ZMYM6: variants seen among roughly 807,000 people sequenced by gnomAD.
The protein encoded by ZMYM6 is zinc finger MYM-type protein 6.
A neutral mutation model predicts 134.0 loss-of-function variants in ZMYM6; 90 were observed. That is an observed-to-expected ratio of 0.67 (90% confidence interval 0.57 to 0.80). The LOEUF (loss-of-function observed/expected upper bound fraction) is 0.80. Ranked by LOEUF, ZMYM6 falls within the 30% of genes least tolerant of loss-of-function variation. The probability of loss-of-function intolerance (pLI) is 0.00; values close to 1 mark genes in which losing one functional copy is unlikely to be tolerated. For missense variants in ZMYM6, 1,362 were observed against 1,533.9 expected, an observed-to-expected ratio of 0.89 and a Z score of 1.87; for synonymous variants, 481 against 524.1, an observed-to-expected ratio of 0.92 and a Z score of 1.12.
intron 11 of ZMYM6, among the ~76,000 whole-genome samples, chr1:35,007,877 A>T (rs981996292): frequency 6.6e-6 from 1 of 152,140 alleles, no homozygotes; most frequent in African/African-American, 2.4e-5. Flanking sequence ...TGAAAAAAGT[A>T]AGTAAAAAAA....
intron 14 of ZMYM6, among the ~76,000 whole-genome samples, chr1:34,993,301 T>C (rs1315422035): frequency 2.0e-5 from 3 of 151,800 alleles, no homozygotes; most frequent in African/African-American, 7.3e-5. Context: ...TTAGTAGAGA[T>C]GGTGTTTCAC....
intron 14 of ZMYM6, among the ~76,000 whole-genome samples, chr1:34,992,732 C>CTATAAATATAAAAATATAT (rs1557558404): frequency 4.0e-5 from 4 of 100,876 alleles, no homozygotes; most frequent in African/African-American, 3.4e-4. Context: ...TAAAAATATA[C>CTATAAATATAAAAATATAT]TTATAAACTA....
rs757391327 is a variant in ZMYM6 at position 34,987,871 on chromosome 1, G to A, written c.3211C>T (p.Arg1071Cys). The A allele has an allele frequency of 7.7e-6, 12 of 1,551,372 alleles. No homozygotes were observed. Among genetic ancestry groups the A allele is most frequent in the African/African-American group, 5.5e-5 (4 of 73,116 alleles). The part of the protein sequence containing the change: ...HVSLPLHAEV[R>C]WISRGRMLKR... ...AACATTCTCCCTCTTGATATCCAAC[G>A]TACTTCAGCATGAAGCGGTAAACTC... The change falls in exon 16 of 16, where the codon CGT becomes TGT. Residue 1071 changes from arginine to cysteine, a missense_variant. Arg to Cys is a radical substitution (Grantham distance 180). Around this residue, in one of 3 missense-constraint regions of ZMYM6, gnomAD observed 824 missense variants for 940.9 expected, o/e 0.88. Transcript: ENST00000357182.
intron 14 of ZMYM6, among the ~76,000 whole-genome samples, chr1:34,999,566 A>C (rs1640846127): frequency 2.0e-5 from 3 of 152,240 alleles, no homozygotes; most frequent in Non-Finnish European, 4.4e-5. Flanking sequence ...ACCACCTAAA[A>C]ATCATTAAGA....
chr1:34,992,243 A>G lies in ZMYM6; in HGVS notation c.2137T>C (p.Cys713Arg). ...SCKPHTQHKE[C>R]QTDLPMPNEK... ...GCACAAGGATACATACCTGTCTGAC[A>G]TTCTTTGTGCTGTGTATGTGGTTTG... The change falls in exon 15 of 16, where the codon TGT (cysteine) becomes CGT (arginine). Residue 713 changes from cysteine (C) to arginine (R), a missense_variant. This residue lies in a region of ZMYM6 where 824 missense variants were observed against 940.9 expected (regional missense o/e 0.88). Coordinates refer to ENST00000357182, the MANE Select transcript of ZMYM6 (RefSeq NM_007167.4). The G allele has an allele frequency of 6.2e-7, 1 of 1,613,994 alleles. No homozygotes were observed. Among genetic ancestry groups the G allele is most frequent in the Non-Finnish European group, 8.5e-7 (1 of 1,179,918 alleles).
In ZMYM6 at chr1:34,992,379, T is replaced by C; in HGVS notation, c.2001A>G (p.Thr667=). ...ATGGAAATTTCATAGCATCTTCCTG[T>C]GTACTTTCCTAGTTAAAAGCAAATT... ...EAAKIIQDES[T]QEDAMKFPSS... The change falls in exon 15 of 16, where the codon ACA becomes ACG. Residue 667 remains threonine, a synonymous_variant. Transcript: ENST00000357182. 2 of 1,612,156 alleles carry C rather than the reference T, an allele frequency of 1.2e-6. No homozygotes were observed. The highest frequency in any genetic ancestry group is 1.7e-6 in the Non-Finnish European group (2 of 1,179,494).
At chr1:35,019,781 T>TC (rs1395786781) in intron 3 of ZMYM6, among the ~76,000 whole-genome samples, 179 bp from the exon 4 acceptor site, 2 of 151,984 alleles carry the variant, frequency 1.3e-5, no homozygotes, top group Non-Finnish European at 2.9e-5. Context: ...TAACCAGTCC[T>TC]CCCGCCTCAG....
In ZMYM6 at chr1:35,030,529, T is replaced by C. The variant is rs764285874; in HGVS notation, c.93+18A>G. The C allele has an allele frequency of 1.0e-5, 16 of 1,580,670 alleles. No homozygotes were observed. Among genetic ancestry groups the C allele is most frequent in the African/African-American group, 2.8e-5 (2 of 72,638 alleles). On this transcript the variant is annotated intron_variant, in intron 2 of 15. Coordinates refer to ENST00000357182, the MANE Select transcript of ZMYM6 (RefSeq NM_007167.4). ...GAAGGAATTTTTTTAAATTTTTAAA[T>C]GAAGATGAAATGCTTACTTGAGCAT...
Position 35,007,017 on chromosome 1 carries a change from T to C in ZMYM6, c.1747A>G (p.Asn583Asp), listed in dbSNP as rs1432582032. Reference protein sequence around the residue: ...KWRGNIKHFCNLFCVLEFCHQ... With the variant: ...KWRGNIKHFCDLFCVLEFCHQ... The stretch of plus-strand genomic sequence containing the variant: ...CAAAACTCCAAGACACAAAATAGGT[T>C]ACAGAAATGTTTAATGTTGCCTCGC... Residue 583 changes from asparagine to aspartate, a missense_variant, in exon 12 of 16, where the codon AAC becomes GAC. Asn to Asp is a conservative substitution (Grantham distance 23). This residue lies in a region of ZMYM6 where 824 missense variants were observed against 940.9 expected (regional missense o/e 0.88). Coordinates refer to ENST00000357182, the MANE Select transcript of ZMYM6 (RefSeq NM_007167.4). 1 of 1,613,612 alleles carries C rather than the reference T, an allele frequency of 6.2e-7. No individual in the cohort carries two copies. Among genetic ancestry groups the C allele is most frequent in the African/African-American group, 1.3e-5 (1 of 74,924 alleles).
rs1640601156 is a variant in ZMYM6 at position 34,987,844 on chromosome 1, T to C, written c.3238A>G (p.Lys1080Glu). The change falls in exon 16 of 16, where the codon AAA (lysine) becomes GAA (glutamate). Residue 1080 changes from lysine to glutamate, a missense_variant. Lys to Glu is a moderately conservative substitution (Grantham distance 56). Coordinates refer to ENST00000357182, the MANE Select transcript of ZMYM6 (RefSeq NM_007167.4). ...TCATGTCGTAATTCAAATAATCTTT[T>C]TAACATTCTCCCTCTTGATATCCAA... ...VRWISRGRML[K>E]RLFELRHEIE... 2 of 1,551,150 alleles carry C rather than the reference T, an allele frequency of 1.3e-6. No homozygotes were observed. The highest frequency in any genetic ancestry group is 1.7e-6 in the Non-Finnish European group (2 of 1,146,808).
In ZMYM6 at chr1:35,012,497, T is replaced by C; in HGVS notation, c.880A>G (p.Lys294Glu). 2.5e-6 allele frequency: 4 copies of C among 1,613,262 alleles called. No individual in the cohort carries two copies. Among genetic ancestry groups the C allele is most frequent in the Non-Finnish European group, 3.4e-6 (4 of 1,179,676 alleles). Residue 294 changes from lysine (K) to glutamate (E), a missense_variant, in exon 7 of 16, where the codon AAA becomes GAA. By Grantham distance (56) the Lys-to-Glu change is moderately conservative (BLOSUM62 1). Transcript: ENST00000357182. ...EMIETTNDSG[K>E]TELFCSINCL... ...TTAATAGAGCAGAAAAGCTCTGTTT[T>C]TCCTGAATCATTTGTAGTCTCAATC... is the stretch of plus-strand genomic sequence containing the variant.
At chr1:35,005,042 G>A in intron 13 of ZMYM6, 90 bp downstream of exon 13, 1 of 1,469,584 alleles carries the variant, frequency 6.8e-7, no homozygotes, top group Non-Finnish European at 9.2e-7. Context: ...TGGGCAACAA[G>A]AGTGAAACTG....
intron 14 of ZMYM6, 144 bp downstream of exon 14, chr1:35,003,824 G>A (rs1640919484): frequency 2.9e-6 from 2 of 678,946 alleles, no homozygotes; most frequent in Non-Finnish European, 5.1e-6. Flanking sequence ...TCACTTTACT[G>A]TTAGTTGTGC....
intron 14 of ZMYM6, among the ~76,000 whole-genome samples, chr1:35,001,050 G>A (rs1640871453): frequency 6.6e-6 from 1 of 152,128 alleles, no homozygotes; most frequent in Non-Finnish European, 1.5e-5. Flanking sequence ...AATGGCAGAG[G>A]TGACAGAGTC....
Position 34,998,362 on chromosome 1 carries a change from C to T in ZMYM6, c.1992+5606G>A, listed in dbSNP as rs143766712. The stretch of plus-strand genomic sequence containing the variant: ...GCACCAGTACCAATTGTTTTAACTA[C>T]GTAGCTTTATATCTGTAGTTTTCCT... On this transcript the variant is annotated intron_variant, in intron 14 of 15. Transcript: ENST00000357182. 1.6e-3 allele frequency among the ~76,000 whole-genome samples: 249 copies of T among 152,294 alleles called. 1 individual carries two copies. The highest frequency in any genetic ancestry group is 5.7e-3 in the African/African-American group (237 of 41,572).
chr1:35,026,375 AAC>A (rs1200296486), intron 2 of ZMYM6, among the ~76,000 whole-genome samples: 1 of 152,218 alleles, frequency 6.6e-6, no homozygotes, highest in African/African-American at 2.4e-5. Context: ...GAAAATAAAA[AAC>A]ATTTTTATTT....
In ZMYM6 at chr1:35,016,741, C is replaced by A. The variant is rs559885344; in HGVS notation, c.429-1579G>T. Among the ~76,000 whole-genome samples, 149 of 152,276 alleles carry A rather than the reference C, an allele frequency of 9.8e-4. 1 individual carries two copies. The highest frequency in any genetic ancestry group is 6.8e-3 in the Middle Eastern group (2 of 294). On this transcript the variant is annotated intron_variant, in intron 4 of 15. Coordinates refer to ENST00000357182, the MANE Select transcript of ZMYM6 (RefSeq NM_007167.4). ...ATCCTAGCACTTTGGAAGGCCAAGG[C>A]AGAAGGATTGCTTGAGCCCAGGGAG...
chr1:35,022,505 C>A (rs1641329047), intron 2 of ZMYM6, among the ~76,000 whole-genome samples: 1 of 152,010 alleles, frequency 6.6e-6, no homozygotes, highest in Non-Finnish European at 1.5e-5. Context: ...CTCAGGTGAC[C>A]CACCCACCTC....
intron 11 of ZMYM6, among the ~76,000 whole-genome samples, chr1:35,008,515 T>A (rs1213868272): frequency 6.6e-6 from 1 of 152,092 alleles, no homozygotes; most frequent in Non-Finnish European, 1.5e-5. Flanking sequence ...AAGTGCCTCA[T>A]AAGAAGGCAA....
Sources: allele counts gnomAD v4.1 joint callset (sites outside exome capture counted in the v4.1 genomes callset), GRCh38; gene constraint gnomAD v4.1.1; regional missense constraint gnomAD v4.1.1; transcripts MANE v1.5; gene names NCBI Gene and HGNC (gene_info 2026-07-23, HGNC 2026-07-21).